The following TNK2 variants were observed in gnomAD, a reference collection of about 807,000 sequenced individuals.
The protein encoded by TNK2 is activated CDC42 kinase 1.
Under a neutral mutation model 101.8 loss-of-function variants are expected in TNK2, and 83 were observed. The observed-to-expected ratio is 0.82, with a 90% confidence interval of 0.68 to 0.98. The LOEUF (loss-of-function observed/expected upper bound fraction) is 0.98, where lower values mean the gene tolerates loss of function less well. Ranked by LOEUF, TNK2 falls within the 50% of genes least tolerant of loss-of-function variation. TNK2 has a pLI of 0.00. For synonymous variants in TNK2, 804 were observed against 633.0 expected, an observed-to-expected ratio of 1.27 and a Z score of -4.06; for missense variants, 1,665 against 1,483.2, an observed-to-expected ratio of 1.12 and a Z score of -2.01.
Position 195,868,202 on chromosome 3 carries a change from T to C in TNK2, c.2096A>G (p.Glu699Gly), listed in dbSNP as rs778796034. The C allele has an allele frequency of 1.9e-6, 3 of 1,608,700 alleles. No individual in the cohort carries two copies. The highest frequency in any genetic ancestry group is 1.7e-6 in the Non-Finnish European group (2 of 1,178,920). Residue 699 changes from glutamate (E) to glycine (G), a missense_variant, in exon 13 of 16, where the codon GAG (glutamate) becomes GGG (glycine). Around this residue, in one of 3 missense-constraint regions of TNK2, gnomAD observed 1,136 missense variants for 894.9 expected, o/e 1.27. Transcript: ENST00000672887. ...PEQARPPPPL[E>G]DNLFLPPQGG... The stretch of plus-strand genomic sequence containing the variant: ...CTGGGGCGGGAGGAACAGGTTGTCC[T>C]CCAGGGGAGGGGGCGGCCGCGCCTG...
chr3:195,864,972 A>G (rs1172106344), intron 15 of TNK2, among the ~76,000 whole-genome samples: 1 of 136,202 alleles, frequency 7.3e-6, no homozygotes, highest in East Asian at 2.1e-4. Flanking sequence ...CAAATCAGTA[A>G]GAACCACCCG....
intron 6 of TNK2, among the ~76,000 whole-genome samples, chr3:195,879,860 A>C (rs1751419779): frequency 6.6e-6 from 1 of 152,102 alleles, no homozygotes; most frequent in Non-Finnish European, 1.5e-5. Flanking sequence ...AAATGAGAAC[A>C]ATAACCCGCC....
chr3:195,879,312 G>A (rs1751125143), intron 6 of TNK2, 137 bp from the exon 7 acceptor site: 33 of 1,347,704 alleles, frequency 2.4e-5, no homozygotes, highest in Middle Eastern at 1.9e-4. Flanking sequence ...CAGGGGCGCC[G>A]TGTGAAGCGG....
Position 195,868,125 on chromosome 3 carries a change from G to A in TNK2, c.2173C>T (p.Leu725=), listed in dbSNP as rs1265926896. The A allele has an allele frequency of 1.9e-6, 3 of 1,611,744 alleles. No individual in the cohort carries two copies. Among genetic ancestry groups the A allele is most frequent in the Non-Finnish European group, 2.5e-6 (3 of 1,179,522 alleles). ...SAQTAEIFQA[L]QQECMRQLQA... ...AGTTGCCTCATGCACTCCTGCTGTA[G>A]CGCCTGGAAGATCTCTGCGGTCTGT... is the stretch of plus-strand genomic sequence containing the variant. The change falls in exon 13 of 16, where the codon CTA becomes TTA. Residue 725 remains leucine, a synonymous_variant. Coordinates refer to ENST00000672887, the MANE Select transcript of TNK2 (RefSeq NM_001382273.1).
At chr3:195,902,644 C>CAAAAA (rs1761329681) in intron 1 of TNK2, among the ~76,000 whole-genome samples, 1 of 103,506 alleles carries the variant, frequency 9.7e-6, no homozygotes, top group African/African-American at 5.1e-5. Flanking sequence ...AAAAAACAAA[C>CAAAAA]ATAAAAAAAA....
chr3:195,884,791 G>A (rs1754848975), intron 4 of TNK2, 21 bp downstream of exon 4: 1 of 1,593,166 alleles, frequency 6.3e-7, no homozygotes, highest in African/African-American at 1.3e-5. Context: ...CTGCTGCGCT[G>A]GCAGGACACA....
At chr3:195,869,919 G>A (rs1301308878) in intron 11 of TNK2, 195 bp downstream of exon 11, 2 of 563,682 alleles carry the variant, frequency 3.5e-6, no homozygotes, top group Non-Finnish European at 3.2e-6. Flanking sequence ...GCCCGAGGAG[G>A]CCCACCTCGG....
At position 195,883,137 on chromosome 3, in the gene TNK2, C is replaced by A; in HGVS notation, c.609+20G>T. 6.3e-7 allele frequency: 1 copy of A among 1,597,638 alleles called. No homozygotes were observed. Among genetic ancestry groups the A allele is most frequent in the Non-Finnish European group, 8.5e-7 (1 of 1,177,478 alleles). ...CCGGAGCCCTCTCCCTGCCCGCCCC[C>A]TCCCGCCCGCAGTACTCACCATCTT... On this transcript the variant is annotated intron_variant, in intron 5 of 15. Transcript: ENST00000672887.
rs1336559055 is a variant in TNK2, at chr3:195,870,369, G to A, written c.1452-164C>T. On this transcript the variant is annotated intron_variant, in intron 10 of 15. Transcript: ENST00000672887. Reference sequence around the variant, plus strand: ...CAGAACCTGACCGCACGTCTCAGCTGGGGGGTGTCCTGGAGAGAAGGCAGA... The same window carrying A: ...CAGAACCTGACCGCACGTCTCAGCTAGGGGGTGTCCTGGAGAGAAGGCAGA... The A allele has an allele frequency of 6.1e-6, 9 of 1,481,412 alleles. No individual in the cohort carries two copies. The Admixed American group carries it at 7.7e-5, about 13-fold the overall frequency. The allele number at this position is 1,481,412 out of a possible 1,614,324, so 91.8% of individuals were successfully genotyped here. A position where few individuals can be genotyped will look rare whatever the true frequency, so the allele number is the denominator to read the frequency against.
intron 10 of TNK2, among the ~76,000 whole-genome samples, chr3:195,872,020 A>ACATTC (rs1745779036): frequency 7.0e-6 from 1 of 142,722 alleles, no homozygotes; most frequent in Admixed American, 6.8e-5. Context: ...CCCCTGGAGA[A>ACATTC]CCCTCCCCTG....
At chr3:195,902,304 G>A (rs1196014058) in intron 1 of TNK2, among the ~76,000 whole-genome samples, 2 of 152,158 alleles carry the variant, frequency 1.3e-5, no homozygotes, top group African/African-American at 4.8e-5. Context: ...AAATACAGGG[G>A]ATTACTGAAA....
intron 4 of TNK2, chr3:195,883,577 A>C: frequency 2.3e-6 from 1 of 442,798 alleles, no homozygotes; most frequent in East Asian, 3.9e-5. Flanking sequence ...AAAAAGTAAG[A>C]GATAACCAGT....
At chr3:195,873,312 A>T (rs999484100) in intron 9 of TNK2, among the ~76,000 whole-genome samples, 6 of 152,212 alleles carry the variant, frequency 3.9e-5, no homozygotes, top group Non-Finnish European at 7.4e-5. Flanking sequence ...CAGGAAGCAC[A>T]GGGCTCCCGC....
In TNK2 at chr3:195,882,021, C is replaced by A. The variant is rs1753374301; in HGVS notation, c.887+30G>T. 1 of 1,592,154 alleles carries A rather than the reference C, an allele frequency of 6.3e-7. No homozygotes were observed. Among genetic ancestry groups the A allele is most frequent in the Non-Finnish European group, 8.6e-7 (1 of 1,166,934 alleles). ...GCTTTGAGGCCTGGGTCTGCAGGGA[C>A]TCTGTGAGCTGGCAGCACCTGCCCC... On this transcript the variant is annotated intron_variant, in intron 6 of 15. Coordinates refer to ENST00000672887, the MANE Select transcript of TNK2 (RefSeq NM_001382273.1). This position sits in a 1 kb window ranked among gnomAD's most constrained non-coding sequence, Gnocchi z 4.2.
chr3:195,901,636 G>A (rs147116325), intron 1 of TNK2, among the ~76,000 whole-genome samples: 21 of 152,242 alleles, frequency 1.4e-4, no homozygotes, highest in African/African-American at 4.8e-4. Flanking sequence ...ATATGAAGGG[G>A]CAGAAGTCAT....
rs892266338 is a variant in TNK2, at chr3:195,885,149, G to A, written c.235-116C>T. 1 of 1,218,684 alleles carries A rather than the reference G, an allele frequency of 8.2e-7. No homozygotes were observed. Among genetic ancestry groups the A allele is most frequent in the Non-Finnish European group, 1.1e-6 (1 of 886,966 alleles). 75.5% of individuals were successfully genotyped at this position (1,218,684 alleles called of 1,614,324 possible). On this transcript the variant is annotated intron_variant, in intron 3 of 15. Coordinates refer to ENST00000672887, the MANE Select transcript of TNK2 (RefSeq NM_001382273.1). The surrounding 1 kb of genome is among the most constrained non-coding windows in gnomAD (Gnocchi z 4.7). ...GGCTTCGGCTTCCAGATAGGTCCTG[G>A]TTTTGCCAAACTGTCAGTGGGGCAG...
At position 195,878,543 on chromosome 3, in the gene TNK2, T is replaced by C. The variant is rs1750681988; in HGVS notation, c.1064A>G (p.Asp355Gly). ...GACGTTGTAGATGTCCTGGGGACAGTCCTCGGGCCGGGGCAGCCGCTCCCC... is the reference window on the plus strand; with the variant it reads ...GACGTTGTAGATGTCCTGGGGACAGCCCTCGGGCCGGGGCAGCCGCTCCCC... ...KEGERLPRPE[D>G]CPQDIYNVMV... The change falls in exon 8 of 16, where the codon GAC becomes GGC. Residue 355 changes from aspartate (D) to glycine (G), a missense_variant. Asp to Gly is a moderately conservative substitution (Grantham distance 94). This residue lies in a region of TNK2 where 490 missense variants were observed against 522.5 expected (regional missense o/e 0.94). Transcript: ENST00000672887. The surrounding 1 kb of genome is among the most constrained non-coding windows in gnomAD (Gnocchi z 4.7). The C allele has an allele frequency of 6.2e-7, 1 of 1,613,482 alleles. No individual in the cohort carries two copies. Among genetic ancestry groups the C allele is most frequent in the Admixed American group, 1.7e-5 (1 of 60,006 alleles).
intron 1 of TNK2, chr3:195,892,019 A>G (rs938682965): frequency 4.8e-5 from 49 of 1,023,724 alleles, no homozygotes; most frequent in African/African-American, 6.8e-5. Context: ...TGGTGAGGCA[A>G]GCGGTCAGGG....
chr3:195,890,236 A>G (rs1258473545), intron 1 of TNK2, among the ~76,000 whole-genome samples: 2 of 152,162 alleles, frequency 1.3e-5, no homozygotes, highest in Admixed American at 6.5e-5. Flanking sequence ...ACAGCCCCCT[A>G]TGGGACAGTT....
Sources: allele counts gnomAD v4.1 joint callset (sites outside exome capture counted in the v4.1 genomes callset), GRCh38; gene constraint gnomAD v4.1.1; regional missense constraint gnomAD v4.1.1; non-coding constraint Gnocchi (gnomAD v3.1); transcripts MANE v1.5; gene names NCBI Gene and HGNC (gene_info 2026-07-23, HGNC 2026-07-21).